AKR1C8: variants seen among roughly 807,000 people sequenced by gnomAD.
AKR1C8 encodes the protein aldo-keto reductase family 1 member C-like protein 1.
chr10:5,154,272 C>T, the AKR1C8 span: 5 of 457,156 alleles, frequency 1.1e-5, no homozygotes, highest in South Asian at 1.6e-5. Context: ...CTAAAATTCC[C>T]GAATTTACCA....
At chr10:5,131,145 CT>C in the AKR1C8 span, among the ~76,000 whole-genome samples, 1 of 152,014 alleles carries the variant, frequency 6.6e-6, no homozygotes, top group Non-Finnish European at 1.5e-5. Context: ...AAGAATGAAA[CT>C]GGATACCATC....
the AKR1C8 span, among the ~76,000 whole-genome samples, chr10:5,177,640 A>C: frequency 6.6e-6 from 1 of 152,176 alleles, no homozygotes. Flanking sequence ...GCTATTGATT[A>C]TTGCCACAAT....
the AKR1C8 span, among the ~76,000 whole-genome samples, chr10:5,133,971 G>C: frequency 2.0e-5 from 3 of 152,066 alleles, no homozygotes; most frequent in Non-Finnish European, 4.4e-5. Flanking sequence ...AACTTTTTTA[G>C]GAAAGATATA....
chr10:5,169,733 T>C, the AKR1C8 span, among the ~76,000 whole-genome samples: 19 of 151,942 alleles, frequency 1.3e-4, no homozygotes, highest in African/African-American at 4.6e-4. Context: ...GTAGAGTGAG[T>C]GAAGCATTTC....
chr10:5,174,543 C>T, the AKR1C8 span, among the ~76,000 whole-genome samples: 3 of 151,980 alleles, frequency 2.0e-5, no homozygotes, highest in South Asian at 6.2e-4. Flanking sequence ...TCATACTTCA[C>T]AATTAATAAG....
the AKR1C8 span, among the ~76,000 whole-genome samples, chr10:5,117,752 G>C: frequency 9.2e-5 from 14 of 152,088 alleles, no homozygotes; most frequent in Non-Finnish European, 2.1e-4. Flanking sequence ...CGAGTTCACA[G>C]AGTGAGAGAG....
the AKR1C8 span, among the ~76,000 whole-genome samples, chr10:5,176,408 G>A: frequency 6.9e-6 from 1 of 144,876 alleles, no homozygotes; most frequent in Non-Finnish European, 1.5e-5. Flanking sequence ...AAGTCAGGTA[G>A]TGTGATGCCT....
At chr10:5,130,065 T>C in the AKR1C8 span, among the ~76,000 whole-genome samples, 1 of 151,730 alleles carries the variant, frequency 6.6e-6, no homozygotes, top group Non-Finnish European at 1.5e-5. Context: ...AAAAAGATAA[T>C]ACATCATGAT....
the AKR1C8 span, among the ~76,000 whole-genome samples, chr10:5,121,343 C>A: frequency 6.6e-6 from 1 of 152,072 alleles, no homozygotes; most frequent in Non-Finnish European, 1.5e-5. Flanking sequence ...CCCTGAGGAT[C>A]CAGAGAAACT....
chr10:5,125,408 G>A, the AKR1C8 span, among the ~76,000 whole-genome samples: 1 of 152,028 alleles, frequency 6.6e-6, no homozygotes, highest in Admixed American at 6.6e-5. Flanking sequence ...TAACACAAAG[G>A]ACATAAACTT....
the AKR1C8 span, among the ~76,000 whole-genome samples, chr10:5,126,565 A>G: frequency 1.3e-5 from 2 of 152,124 alleles, no homozygotes; most frequent in African/African-American, 4.8e-5. Context: ...AATGGTTCCT[A>G]TCCAGAGATA....
the AKR1C8 span, among the ~76,000 whole-genome samples, chr10:5,121,482 T>G: frequency 2.6e-5 from 4 of 151,760 alleles, no homozygotes; most frequent in Non-Finnish European, 5.9e-5. Context: ...ATGAGAGTTG[T>G]GACAGGCGAA....
the AKR1C8 span, among the ~76,000 whole-genome samples, chr10:5,152,800 A>G: frequency 1.2e-4 from 19 of 152,252 alleles, no homozygotes; most frequent in Admixed American, 1.1e-3. Flanking sequence ...GGTGATTTTC[A>G]TTGGCCCTTC....
chr10:5,160,380 G>GA, the AKR1C8 span, among the ~76,000 whole-genome samples: 14,078 of 150,010 alleles, frequency 0.094, 794 homozygotes, highest in Admixed American at 0.14. Flanking sequence ...TCTAGAATGG[G>GA]AAAAAAAAAT....
the AKR1C8 span, among the ~76,000 whole-genome samples, chr10:5,184,514 G>T: frequency 3.9e-5 from 6 of 152,162 alleles, no homozygotes; most frequent in East Asian, 7.7e-4. Context: ...CAGCAAAGCT[G>T]CCACTAAGTA....
chr10:5,140,675 A>T, the AKR1C8 span, among the ~76,000 whole-genome samples: 9 of 152,100 alleles, frequency 5.9e-5, no homozygotes, highest in Admixed American at 5.9e-4. Flanking sequence ...GAGGGATAGC[A>T]TTAGGAGAAA....
chr10:5,130,215 C>T, the AKR1C8 span, among the ~76,000 whole-genome samples: 71 of 151,800 alleles, frequency 4.7e-4, no homozygotes, highest in Non-Finnish European at 8.4e-4. Context: ...TGGTAAAATC[C>T]GCCATTGCTT....
At chr10:5,137,656 A>C in the AKR1C8 span, among the ~76,000 whole-genome samples, 142 of 152,276 alleles carry the variant, frequency 9.3e-4, 1 homozygote, top group African/African-American at 3.4e-3. Flanking sequence ...ATTCCCTTTG[A>C]AAACTGGCAC....
chr10:5,120,604 G>A, the AKR1C8 span, among the ~76,000 whole-genome samples: 1 of 152,062 alleles, frequency 6.6e-6, no homozygotes, highest in African/African-American at 2.4e-5. Context: ...ACAGAGATGA[G>A]TAAGACAAGT....
Sources: allele counts gnomAD v4.1 joint callset (sites outside exome capture counted in the v4.1 genomes callset), GRCh38; gene constraint gnomAD v4.1.1; transcripts MANE v1.5; gene names NCBI Gene and HGNC (gene_info 2026-07-23, HGNC 2026-07-21).